Variants in TRPM2 observed in about 807,000 individuals in gnomAD.
TRPM2 encodes the protein transient receptor potential cation channel subfamily M member 2, also known as estrogen-responsive element-associated gene 1 protein.
In TRPM2, 161 loss-of-function variants were observed where a neutral mutation model predicts 174.0. That is an observed-to-expected ratio of 0.93 (90% CI 0.81 to 1.05). The LOEUF is 1.05. Among genes scored for constraint, TRPM2 ranks in the 50% least tolerant of loss-of-function variants. The pLI is 0.00. For missense variants in TRPM2, 2,057 were observed against 2,038.0 expected, an observed-to-expected ratio of 1.01 and a Z score of -0.18; for synonymous variants, 954 against 861.3, an observed-to-expected ratio of 1.11 and a Z score of -1.88.
intron 9 of TRPM2, among the ~76,000 whole-genome samples, chr21:44,385,288 A>G (rs2048987513): frequency 6.6e-6 from 1 of 152,244 alleles, no homozygotes; most frequent in South Asian, 2.1e-4. Flanking sequence ...AAAGCCATAT[A>G]TGAAAAACTC....
At chr21:44,369,155 C>A in intron 4 of TRPM2, 22 bp from the exon 5 acceptor site, 1 of 1,577,372 alleles carries the variant, frequency 6.3e-7, no homozygotes. Context: ...GTGGGGCCTG[C>A]CCACCCGTGC....
chr21:44,427,121 C>A lies in TRPM2; in HGVS notation c.3974+10C>A. The stretch of plus-strand genomic sequence containing the variant: ...AGGCCGGGTTGCCCCTGTGAGTGTG[C>A]CCCCTGCGGGCCCCGCCCCGTCAGC... On this transcript the variant is annotated intron_variant, in intron 27 of 31. Transcript: ENST00000397928. The A allele has an allele frequency of 6.4e-7, 1 of 1,572,960 alleles. No individual in the cohort carries two copies. Among genetic ancestry groups the A allele is most frequent in the Non-Finnish European group, 8.6e-7 (1 of 1,158,798 alleles).
At chr21:44,361,355 C>T (rs2048203329) in intron 2 of TRPM2, among the ~76,000 whole-genome samples, 1 of 151,120 alleles carries the variant, frequency 6.6e-6, no homozygotes, top group Admixed American at 6.6e-5. Context: ...TCAAATGATC[C>T]ACTCGCCTTG....
intron 2 of TRPM2, among the ~76,000 whole-genome samples, chr21:44,355,074 C>G (rs559036130): frequency 6.6e-6 from 1 of 152,346 alleles, no homozygotes; most frequent in South Asian, 2.1e-4. Flanking sequence ...CCTGCCCCCA[C>G]CCCAAGAGAG....
chr21:44,402,740 C>A (rs1335420617), intron 16 of TRPM2, among the ~76,000 whole-genome samples: 1 of 152,150 alleles, frequency 6.6e-6, no homozygotes, highest in Non-Finnish European at 1.5e-5. Context: ...GGGGCGAATC[C>A]CTTACTGTGT....
chr21:44,427,022 A>G lies in TRPM2; in HGVS notation c.3885A>G (p.Pro1295=), dbSNP rs1018960627. The G allele has an allele frequency of 5.6e-6, 9 of 1,601,018 alleles. No homozygotes were observed. The East Asian group carries it at 6.8e-5, about 12-fold the overall frequency. The change falls in exon 27 of 32, where the codon CCA becomes CCG. Residue 1295 remains proline, a synonymous_variant. Transcript: ENST00000397928. ...CCTCTGCTCCCAGCACCCTGGAGCC[A>G]CTGTCCACGATCCAGTACAACGTGG... The part of the protein sequence containing the change: ...AMDPMGDTLE[P]LSTIQYNVVD...
Position 44,391,563 on chromosome 21 carries a change from C to CCCCGG in TRPM2, c.1736_1740dup (p.Arg581GlyfsTer24). On this transcript the variant is annotated frameshift_variant, in exon 11 of 32. Coordinates refer to ENST00000397928, the MANE Select transcript of TRPM2 (RefSeq NM_003307.4). LOFTEE classifies it high-confidence loss of function. The surrounding 1 kb of genome is among the most constrained non-coding windows in gnomAD (Gnocchi z 5.0). ...GGGGGACTTCACGCAGCCGCTTTAT[C>CCCCGG]CCCGGCCCCGGCACAACGACCGGCT... The CCCCGG allele has an allele frequency of 6.3e-7, 1 of 1,594,592 alleles. No individual in the cohort carries two copies. The highest frequency in any genetic ancestry group is 8.5e-7 in the Non-Finnish European group (1 of 1,176,096).
intron 9 of TRPM2, among the ~76,000 whole-genome samples, chr21:44,383,424 C>T (rs151007154): frequency 1.4e-3 from 215 of 152,324 alleles, no homozygotes; most frequent in African/African-American, 4.9e-3. Context: ...CCTCCAGGGT[C>T]GGAGGCCCCA....
intron 17 of TRPM2, among the ~76,000 whole-genome samples, chr21:44,405,651 G>A (rs982885836): frequency 1.1e-4 from 17 of 152,266 alleles, no homozygotes; most frequent in African/African-American, 4.1e-4. Context: ...GAGGCAATAG[G>A]GCCCTGGCTA....
intron 19 of TRPM2, among the ~76,000 whole-genome samples, chr21:44,411,561 G>A (rs947324152): frequency 6.6e-5 from 10 of 152,090 alleles, no homozygotes; most frequent in Admixed American, 4.6e-4. Context: ...TTCCAAACTG[G>A]TTGCCTTTTA....
rs573218845 is a variant in TRPM2, at chr21:44,393,953, A to G, written c.1795-1461A>G. Reference sequence around the variant, plus strand: ...AATGGTATAATCTCTGCTTACTGCAACCTCTGCCTCCTGGGTTCAATTGAG... The same window carrying G: ...AATGGTATAATCTCTGCTTACTGCAGCCTCTGCCTCCTGGGTTCAATTGAG... On this transcript the variant is annotated intron_variant, in intron 11 of 31. Coordinates refer to ENST00000397928, the MANE Select transcript of TRPM2 (RefSeq NM_003307.4). 3.0e-4 allele frequency among the ~76,000 whole-genome samples: 46 copies of G among 152,060 alleles called. No individual in the cohort carries two copies. In the Middle Eastern group the frequency reaches 0.01, roughly 34 times the overall value.
intron 20 of TRPM2, chr21:44,415,751 T>G (rs1361332134): frequency 6.6e-6 from 1 of 152,212 alleles, no homozygotes; most frequent in Non-Finnish European, 1.5e-5. Flanking sequence ...TTGCTATTGT[T>G]GCTTTTGAAA....
intron 19 of TRPM2, among the ~76,000 whole-genome samples, chr21:44,407,830 A>G (rs1017675814): frequency 1.3e-5 from 2 of 151,802 alleles, no homozygotes. Flanking sequence ...TCATCCATTC[A>G]TCAGTTGGTG....
chr21:44,417,913 C>T lies in TRPM2; in HGVS notation c.3147-14C>T. 6.2e-7 allele frequency: 1 copy of T among 1,606,480 alleles called. No homozygotes were observed. Among genetic ancestry groups the T allele is most frequent in the South Asian group, 1.1e-5 (1 of 90,974 alleles). On this transcript the variant is annotated splice_polypyrimidine_tract_variant and intron_variant, in intron 20 of 31. Coordinates refer to ENST00000397928, the MANE Select transcript of TRPM2 (RefSeq NM_003307.4). ...CACCCTGACCTCGAGGTGTTGCTTT[C>T]TCCTCCCTGACAGCTACACCTTCCA... is the stretch of plus-strand genomic sequence containing the variant.
intron 22 of TRPM2, among the ~76,000 whole-genome samples, chr21:44,421,250 G>C (rs970879608): frequency 1.3e-5 from 2 of 151,844 alleles, no homozygotes; most frequent in African/African-American, 4.8e-5. Flanking sequence ...CCCAGGAGGC[G>C]GAGGTTGCAG....
intron 27 of TRPM2, among the ~76,000 whole-genome samples, chr21:44,427,611 G>C (rs758084993): frequency 1.3e-5 from 2 of 152,210 alleles, no homozygotes; most frequent in Admixed American, 6.5e-5. Context: ...GAAGGAAGGA[G>C]CCTGGGAGTC....
chr21:44,391,589 G>T lies in TRPM2; in HGVS notation c.1758G>T (p.Leu586=), dbSNP rs566245984. ...CCCGGCCCCGGCACAACGACCGGCTGCGGCTCCTGCTGCCCGTTCCCCACG... is the reference window on the plus strand; with the variant it reads ...CCCGGCCCCGGCACAACGACCGGCTTCGGCTCCTGCTGCCCGTTCCCCACG... The part of the protein sequence containing the change: ...LYPRPRHNDR[L]RLLLPVPHVK... Residue 586 remains leucine, a synonymous_variant, in exon 11 of 32, where the codon CTG becomes CTT. Coordinates refer to ENST00000397928, the MANE Select transcript of TRPM2 (RefSeq NM_003307.4). The surrounding 1 kb of genome is among the most constrained non-coding windows in gnomAD (Gnocchi z 5.0). 16 of 1,587,954 alleles carry T rather than the reference G, an allele frequency of 1.0e-5. No homozygotes were observed. The highest frequency in any genetic ancestry group is 2.6e-6 in the Non-Finnish European group (3 of 1,173,478).
At chr21:44,429,036 C>T (rs1250441831) in intron 27 of TRPM2, among the ~76,000 whole-genome samples, 1 of 152,216 alleles carries the variant, frequency 6.6e-6, no homozygotes, top group Non-Finnish European at 1.5e-5. Flanking sequence ...TTTCTAGCTC[C>T]ATGACAAATC....
rs1035272373 is a variant in TRPM2 at position 44,441,726 on chromosome 21, G to A, written c.4421G>A (p.Arg1474Gln). 15 of 1,611,868 alleles carry A rather than the reference G, an allele frequency of 9.3e-6. No homozygotes were observed. Among genetic ancestry groups the A allele is most frequent in the Middle Eastern group, 1.7e-4 (1 of 6,060 alleles). Residue 1474 changes from arginine to glutamine, a missense_variant, in exon 32 of 32, where the codon CGA (arginine) becomes CAA (glutamine). By Grantham distance (43) the Arg-to-Gln change is conservative. Coordinates refer to ENST00000397928, the MANE Select transcript of TRPM2 (RefSeq NM_003307.4). Reference protein sequence around the residue: ...LHACDSGASIRWQVVDRRIPL... With the variant: ...LHACDSGASIQWQVVDRRIPL... Reference sequence around the variant, plus strand: ...GCCTGCGACTCGGGGGCCTCCATCCGATGGCAGGTGGTGGACAGGCGCATC... The same window carrying A: ...GCCTGCGACTCGGGGGCCTCCATCCAATGGCAGGTGGTGGACAGGCGCATC...
Sources: allele counts gnomAD v4.1 joint callset (sites outside exome capture counted in the v4.1 genomes callset), GRCh38; gene constraint gnomAD v4.1.1; non-coding constraint Gnocchi (gnomAD v3.1); transcripts MANE v1.5; gene names NCBI Gene and HGNC (gene_info 2026-07-23, HGNC 2026-07-21).